The following MCTP2 variants were observed in gnomAD, a reference collection of about 807,000 sequenced individuals.
The protein encoded by MCTP2 is multiple C2 and transmembrane domain-containing protein 2.
A neutral mutation model predicts 111.6 loss-of-function variants in MCTP2; 132 were observed. The ratio of observed to expected loss-of-function variants is 1.18; its 90% CI spans 1.03 to 1.37. The LOEUF (loss-of-function observed/expected upper bound fraction) is 1.37, where lower values mean the gene tolerates loss of function less well. Ranked by LOEUF, MCTP2 falls within the 40% of genes most tolerant of loss-of-function variation. The pLI is 0.00. For synonymous variants in MCTP2, 395 were observed against 387.7 expected (o/e 1.02, Z -0.22); for missense variants, 1,183 against 1,067.9 (o/e 1.11, Z -1.50).
chr15:94,299,759 C>G (rs1014911390), intron 2 of MCTP2, among the ~76,000 whole-genome samples: 3 of 152,146 alleles, frequency 2.0e-5, no homozygotes, highest in Non-Finnish European at 4.4e-5. Context: ...GGTTGTTTAA[C>G]TTGGATTTTT....
At chr15:94,355,109 C>T (rs1228208534) in intron 8 of MCTP2, among the ~76,000 whole-genome samples, 2 of 152,136 alleles carry the variant, frequency 1.3e-5, no homozygotes, top group East Asian at 3.8e-4. Context: ...ACAAACTAGC[C>T]ATAAAAAGGC....
chr15:94,413,859 A>G (rs1259171619), intron 17 of MCTP2, among the ~76,000 whole-genome samples: 1 of 152,176 alleles, frequency 6.6e-6, no homozygotes, highest in East Asian at 1.9e-4. Flanking sequence ...AGCATTTGGA[A>G]GACAGGAGAT....
chr15:94,292,240 G>A (rs1280103381), intron 1 of MCTP2, among the ~76,000 whole-genome samples: 1 of 151,900 alleles, frequency 6.6e-6, no homozygotes, highest in East Asian at 1.9e-4. Context: ...CTAAGACTGA[G>A]GGGGAAAAAA....
intron 2 of MCTP2, among the ~76,000 whole-genome samples, chr15:94,302,632 C>T (rs1034198231): frequency 3.9e-5 from 6 of 152,274 alleles, no homozygotes; most frequent in East Asian, 3.9e-4. Context: ...AACCTGGTTT[C>T]GACTTGTTTT....
chr15:94,246,038 T>C (rs539259825), intron 1 of MCTP2, among the ~76,000 whole-genome samples: 4 of 151,894 alleles, frequency 2.6e-5, no homozygotes, highest in Non-Finnish European at 4.4e-5. Flanking sequence ...GGAGGAAAAA[T>C]GTGACTTGAG....
chr15:94,303,068 ATATATAGTTTATATATATATAGTT>A (rs2075704915), intron 2 of MCTP2, among the ~76,000 whole-genome samples: 1 of 145,644 alleles, frequency 6.9e-6, no homozygotes, highest in East Asian at 2.0e-4. Context: ...TGGAATATAT[ATATATAGTTTATATATATATAGTT>A]TATATAGTTT....
intron 4 of MCTP2, among the ~76,000 whole-genome samples, chr15:94,322,573 T>G (rs1244703296): frequency 6.6e-6 from 1 of 152,240 alleles, no homozygotes; most frequent in Non-Finnish European, 1.5e-5. Flanking sequence ...TGGATTTAAC[T>G]GATGGGCCAA....
intron 14 of MCTP2, among the ~76,000 whole-genome samples, chr15:94,392,970 A>G (rs987806650): frequency 3.3e-5 from 5 of 152,218 alleles, no homozygotes; most frequent in African/African-American, 1.2e-4. Flanking sequence ...TGAATTAACA[A>G]TTAAAAATTA....
intron 8 of MCTP2, among the ~76,000 whole-genome samples, chr15:94,354,924 G>A (rs904286986): frequency 6.6e-6 from 1 of 152,196 alleles, no homozygotes; most frequent in Non-Finnish European, 1.5e-5. Context: ...AATATATAGT[G>A]TTAGAAATTC....
intron 1 of MCTP2, among the ~76,000 whole-genome samples, chr15:94,241,155 T>A (rs1000048926): frequency 6.6e-6 from 1 of 151,310 alleles, no homozygotes; most frequent in Non-Finnish European, 1.5e-5. Flanking sequence ...TCATGTAGAG[T>A]CGGTGGCTTT....
intron 8 of MCTP2, among the ~76,000 whole-genome samples, chr15:94,350,938 C>G (rs1567497645): frequency 6.6e-6 from 1 of 151,890 alleles, no homozygotes; most frequent in Non-Finnish European, 1.5e-5. Flanking sequence ...GTCCTAAAAT[C>G]TGAGAGTCAC....
chr15:94,467,443 G>T (rs1325913079), intron 20 of MCTP2, among the ~76,000 whole-genome samples: 1 of 73,736 alleles, frequency 1.4e-5, no homozygotes, highest in Non-Finnish European at 2.9e-5. Flanking sequence ...TATGACCAAT[G>T]GAATATAAAG....
chr15:94,417,480 C>T (rs1390223592), intron 17 of MCTP2, among the ~76,000 whole-genome samples: 2 of 151,962 alleles, frequency 1.3e-5, no homozygotes, highest in Non-Finnish European at 2.9e-5. Context: ...TATTTTGGTG[C>T]ACAAAAGATT....
At chr15:94,461,649 A>C (rs1038059265) in intron 20 of MCTP2, among the ~76,000 whole-genome samples, 1 of 152,304 alleles carries the variant, frequency 6.6e-6, no homozygotes, top group East Asian at 1.9e-4. Context: ...AGAATAGGCA[A>C]GTTATGCCTA....
At position 94,358,520 on chromosome 15, in the gene MCTP2, G is replaced by A; in HGVS notation, c.1209G>A (p.Gln403=). 1 of 1,613,744 alleles carries A rather than the reference G, an allele frequency of 6.2e-7. No homozygotes were observed. The highest frequency in any genetic ancestry group is 1.1e-5 in the South Asian group (1 of 91,086). Residue 403 remains glutamine, a synonymous_variant, in exon 10 of 23, where the codon CAG becomes CAA. Coordinates refer to ENST00000357742, the MANE Select transcript of MCTP2 (RefSeq NM_001385001.1). ...GTGCAAATCCGCAGTGGCAGGAACA[G>A]TTTGACTTTCACTACTTCTCTGACA... is the stretch of plus-strand genomic sequence containing the variant. ...CKSANPQWQE[Q]FDFHYFSDRM...
chr15:94,330,084 T>G (rs1015612323), intron 4 of MCTP2, among the ~76,000 whole-genome samples: 7 of 152,234 alleles, frequency 4.6e-5, no homozygotes, highest in Admixed American at 3.9e-4. Flanking sequence ...TTATTTCACT[T>G]AGCATAATGT....
chr15:94,235,995 A>G (rs933971888), intron 1 of MCTP2, among the ~76,000 whole-genome samples: 1 of 152,226 alleles, frequency 6.6e-6, no homozygotes, highest in African/African-American at 2.4e-5. Flanking sequence ...CTTCATTGTC[A>G]TTTACTCCTG....
At chr15:94,266,656 G>A (rs2152290702) in intron 1 of MCTP2, among the ~76,000 whole-genome samples, 1 of 152,268 alleles carries the variant, frequency 6.6e-6, no homozygotes, top group South Asian at 2.1e-4. Context: ...CAGCAGAGAA[G>A]GAAACGAAGG....
intron 1 of MCTP2, among the ~76,000 whole-genome samples, chr15:94,245,287 T>C (rs190455712): frequency 1.7e-4 from 24 of 141,934 alleles, no homozygotes; most frequent in African/African-American, 5.9e-4. Context: ...TATATACACA[T>C]ATGTATATAT....
Sources: gnomAD v4.1 joint callset for allele counts (sites outside exome capture counted in the v4.1 genomes callset) on GRCh38, gnomAD v4.1.1 for gene constraint, MANE v1.5 for transcripts, NCBI Gene and HGNC (gene_info 2026-07-23, HGNC 2026-07-21) for gene names.